Variants in CHKA observed in about 807,000 individuals in gnomAD.
The protein encoded by CHKA is CHETK-alpha.
Under a neutral mutation model 60.1 loss-of-function variants are expected in CHKA, and 34 were observed. The observed-to-expected ratio is 0.57, with a 90% CI of 0.43 to 0.75. The LOEUF is 0.75. CHKA is among the 30% of genes least tolerant of loss of function. The pLI, the probability that CHKA is intolerant of heterozygous loss-of-function variation, is 0.00. For synonymous variants in CHKA, 217 were observed against 223.1 expected, an observed-to-expected ratio of 0.97 and a Z score of 0.24; for missense variants, 563 against 561.3, an observed-to-expected ratio of 1.00 and a Z score of -0.03.
chr11:68,120,964 G>C lies in CHKA; in HGVS notation c.214C>G (p.Pro72Ala). 2 of 1,140,162 alleles carry C rather than the reference G, an allele frequency of 1.8e-6. No individual in the cohort carries two copies. The highest frequency in any genetic ancestry group is 1.1e-6 in the Non-Finnish European group (1 of 927,432). 70.6% of individuals were successfully genotyped at this position (1,140,162 alleles called of 1,614,324 possible). ...TCTGCGGGCGGCTGCGGCGGCGGGGGCTGGGGCAGCGGCAGCGGCAGCGGC... is the reference window on the plus strand; with the variant it reads ...TCTGCGGGCGGCTGCGGCGGCGGGGCCTGGGGCAGCGGCAGCGGCAGCGGC... ...PLPLPLPLPQ[P>A]PPPQPPADEQ... is the part of the protein sequence containing the mutation. The change falls in exon 1 of 12, where the codon CCC becomes GCC. Residue 72 changes from proline (P) to alanine (A), a missense_variant. Pro to Ala is a conservative substitution (Grantham distance 27). Transcript: ENST00000265689.
chr11:68,086,464 A>G (rs1331285976), intron 2 of CHKA, among the ~76,000 whole-genome samples: 1 of 152,252 alleles, frequency 6.6e-6, no homozygotes, highest in Non-Finnish European at 1.5e-5. Context: ...TATAGCAGGT[A>G]TATTTCTTTT....
At chr11:68,063,798 C>G (rs150914892) in intron 10 of CHKA, among the ~76,000 whole-genome samples, 1 of 152,174 alleles carries the variant, frequency 6.6e-6, no homozygotes, top group African/African-American at 2.4e-5. Flanking sequence ...TTTGGTAGTC[C>G]TACCTTCTTC....
chr11:68,084,290 ATATACG>A (rs1159593489), intron 2 of CHKA, among the ~76,000 whole-genome samples: 16 of 145,474 alleles, frequency 1.1e-4, no homozygotes, highest in East Asian at 2.0e-4. Context: ...ATACACATAT[ATATACG>A]TATATGTGTA....
intron 7 of CHKA, among the ~76,000 whole-genome samples, chr11:68,067,439 C>T (rs1259761250): frequency 6.6e-6 from 1 of 152,050 alleles, no homozygotes; most frequent in Non-Finnish European, 1.5e-5. Context: ...TCCATCTCCA[C>T]AAATAATTAG....
chr11:68,087,640 C>T (rs1857222958), intron 2 of CHKA, among the ~76,000 whole-genome samples: 1 of 151,738 alleles, frequency 6.6e-6, no homozygotes, highest in African/African-American at 2.4e-5. Flanking sequence ...AAGAAAAATA[C>T]ACACAAAAAA....
intron 7 of CHKA, 75 bp downstream of exon 7, chr11:68,068,804 T>G (rs1856525779): frequency 1.0e-6 from 1 of 985,144 alleles, no homozygotes; most frequent in Admixed American, 1.8e-5. Context: ...TACCTTACAT[T>G]TTTCAGACAC....
intron 4 of CHKA, among the ~76,000 whole-genome samples, chr11:68,071,382 C>A (rs1856613554): frequency 6.6e-6 from 1 of 152,222 alleles, no homozygotes; most frequent in Admixed American, 6.5e-5. Flanking sequence ...AGCACCTGGC[C>A]TGGCACAGAG....
Position 68,120,996 on chromosome 11 carries a change from G to T in CHKA, c.182C>A (p.Pro61Gln). ...CAGCGGCAGCGGCAGCGGCAGCGGC[G>T]GCGGAGGGGGCAGCGCGAGCGGCGG... ...QQPPLALPPP[P>Q]PLPLPLPLPQ... Residue 61 changes from proline (P) to glutamine (Q), a missense_variant, in exon 1 of 12, where the codon CCG (proline) becomes CAG (glutamine). Pro to Gln is a moderately conservative substitution (Grantham distance 76). Coordinates refer to ENST00000265689, the MANE Select transcript of CHKA (RefSeq NM_001277.3). The T allele has an allele frequency of 9.0e-7, 1 of 1,115,746 alleles. No homozygotes were observed. Among genetic ancestry groups the T allele is most frequent in the Middle Eastern group, 2.9e-4 (1 of 3,508 alleles). 69.1% of individuals were successfully genotyped at this position (1,115,746 alleles called of 1,614,324 possible).
intron 2 of CHKA, among the ~76,000 whole-genome samples, chr11:68,090,431 AGGAGTACCAGCAATGCTG>A (rs1358126689): frequency 3.9e-5 from 6 of 152,228 alleles, no homozygotes; most frequent in Admixed American, 1.3e-4. Flanking sequence ...GACTCCTTCA[AGGAGTACCAGCAATGCTG>A]GTCTTTGCAT....
In CHKA at chr11:68,074,773, G is replaced by A; in HGVS notation, c.574C>T (p.Leu192Phe). The A allele has an allele frequency of 6.2e-7, 1 of 1,614,244 alleles. No individual in the cohort carries two copies. Among genetic ancestry groups the A allele is most frequent in the Non-Finnish European group, 8.5e-7 (1 of 1,180,052 alleles). Reference protein sequence around the residue: ...VMFAILAERSLGPKLYGIFPQ... With the variant: ...VMFAILAERSFGPKLYGIFPQ... ...AAGATGCCATAGAGTTTTGGCCCAAGTGACCTCTCTGCGAGAATGGCAAAC... is the reference window on the plus strand; with the variant it reads ...AAGATGCCATAGAGTTTTGGCCCAAATGACCTCTCTGCGAGAATGGCAAAC... Residue 192 changes from leucine (L) to phenylalanine (F), a missense_variant, in exon 4 of 12, where the codon CTT becomes TTT. By Grantham distance (22) the Leu-to-Phe change is conservative (BLOSUM62 0). Transcript: ENST00000265689.
At chr11:68,118,991 G>A (rs1858499733) in intron 1 of CHKA, among the ~76,000 whole-genome samples, 5 of 152,296 alleles carry the variant, frequency 3.3e-5, no homozygotes, top group Admixed American at 6.5e-5. Context: ...GGCTTTGAAG[G>A]CAGTAAACAG....
At chr11:68,085,115 G>C (rs77658886) in intron 2 of CHKA, among the ~76,000 whole-genome samples, 169 of 152,136 alleles carry the variant, frequency 1.1e-3, no homozygotes, top group African/African-American at 3.8e-3. Flanking sequence ...TCTTAAGTTA[G>C]AGTCATATAT....
chr11:68,065,558 G>T (rs1420065824), intron 9 of CHKA, among the ~76,000 whole-genome samples: 1 of 152,002 alleles, frequency 6.6e-6, no homozygotes, highest in Non-Finnish European at 1.5e-5. Flanking sequence ...ACAATTAGCT[G>T]GGCGTGGTGG....
At chr11:68,069,578 G>A (rs1222610687) in intron 6 of CHKA, among the ~76,000 whole-genome samples, 1 of 152,076 alleles carries the variant, frequency 6.6e-6, no homozygotes, top group Non-Finnish European at 1.5e-5. Flanking sequence ...CAGCTACTCG[G>A]GAGGCTGAGG....
rs754234828 is a variant in CHKA, at chr11:68,074,808, TC to T, written c.538del (p.Glu180ArgfsTer35). 1 of 1,614,192 alleles carries T rather than the reference TC, an allele frequency of 6.2e-7. No homozygotes were observed. The stretch of plus-strand genomic sequence containing the variant: ...TGCGAGAATGGCAAACATAACGCTC[TC>T]CAGAACCATGGCCTCAGCCCCCTAA... ...EFQGAEAMVLESVMFAILAER... is the reference protein window; with the variant it reads ...EFQGAEAMVLXSVMFAILAER... On this transcript the variant is annotated frameshift_variant, in exon 4 of 12. Transcript: ENST00000265689. LOFTEE classifies it high-confidence loss of function.
At position 68,061,877 on chromosome 11, in the gene CHKA, A is replaced by G. The variant is rs1470455616; in HGVS notation, c.1314+76T>C. 4.8e-6 allele frequency: 5 copies of G among 1,033,648 alleles called. No homozygotes were observed. In the Admixed American group the frequency reaches 1.1e-4, roughly 23 times the overall value. The allele number at this position is 1,033,648 out of a possible 1,614,324, so 64.0% of individuals were successfully genotyped here. ...CTGTAAGGAACAGTCATTTGCTGCC[A>G]ACATTCACAAATACTATAGCATTTT... On this transcript the variant is annotated intron_variant, in intron 11 of 11. Transcript: ENST00000265689.
At chr11:68,097,628 T>G (rs1590870218) in intron 1 of CHKA, among the ~76,000 whole-genome samples, 1 of 94,936 alleles carries the variant, frequency 1.1e-5, no homozygotes, top group Non-Finnish European at 2.0e-5. Flanking sequence ...AGAGCAAGAC[T>G]CCGTCTCAAA....
At chr11:68,080,826 C>T (rs932126570) in intron 3 of CHKA, among the ~76,000 whole-genome samples, 3 of 152,214 alleles carry the variant, frequency 2.0e-5, no homozygotes, top group African/African-American at 7.2e-5. Context: ...AGACCAACAC[C>T]CCAGACCCCT....
chr11:68,096,306 A>G (rs1342308555), intron 2 of CHKA, among the ~76,000 whole-genome samples: 1 of 152,156 alleles, frequency 6.6e-6, no homozygotes, highest in Non-Finnish European at 1.5e-5. Context: ...GGTTGCAGTG[A>G]GCTGAGATCA....
Sources: gnomAD v4.1 joint callset for allele counts (sites outside exome capture counted in the v4.1 genomes callset) on GRCh38, gnomAD v4.1.1 for gene constraint, MANE v1.5 for transcripts, NCBI Gene and HGNC (gene_info 2026-07-23, HGNC 2026-07-21) for gene names.